The following CELF2 variants were observed in gnomAD, a reference collection of about 807,000 sequenced individuals.
CELF2 encodes the protein CUGBP Elav-like family member 2, also known as CUG triplet repeat RNA-binding protein 2.
In CELF2, 8 loss-of-function variants were observed where a neutral mutation model predicts 62.6. The ratio of observed to expected loss-of-function variants is 0.13; its 90% CI spans 0.07 to 0.23. CELF2 has a LOEUF of 0.23. Among genes scored for constraint, CELF2 ranks in the 10% least tolerant of loss-of-function variants. The pLI, the probability that CELF2 is intolerant of heterozygous loss-of-function variation, is 1.00. For missense variants in CELF2, 333 were observed against 671.0 expected (o/e 0.50, Z 5.56); for synonymous variants, 258 against 250.0 (o/e 1.03, Z -0.30).
At chr10:10,621,929 GA>G in the CELF2 span, among the ~76,000 whole-genome samples, 2 of 152,080 alleles carry the variant, frequency 1.3e-5, no homozygotes, top group Non-Finnish European at 2.9e-5. Context: ...TTCCATATTA[GA>G]AAAAAATATT....
the CELF2 span, among the ~76,000 whole-genome samples, chr10:10,659,817 T>A: frequency 6.6e-6 from 1 of 152,152 alleles, no homozygotes; most frequent in South Asian, 2.1e-4. Context: ...GCTACTCAGA[T>A]CCACCAGAAT....
At chr10:10,881,675 T>G (rs1314694636) in intron 1 of CELF2, among the ~76,000 whole-genome samples, 1 of 152,232 alleles carries the variant, frequency 6.6e-6, no homozygotes. Flanking sequence ...ATTTTGAAAG[T>G]CTTCATATGT....
Position 11,062,413 on chromosome 10 carries a change from A to T in CELF2, c.74+44250A>T, listed in dbSNP as rs193050299. Among the ~76,000 whole-genome samples, 542 of 152,332 alleles carry T rather than the reference A, an allele frequency of 3.6e-3. 4 individuals carry two copies. The highest frequency in any genetic ancestry group is 4.6e-3 in the Non-Finnish European group (315 of 68,024). On this transcript the variant is annotated intron_variant, in intron 1 of 12. Transcript: ENST00000633077. ...GTAAATTGAAAACCTTCTGGAAAGG[A>T]TTTACCATATTAGAGGTCATTAAGA...
intron 2 of CELF2, among the ~76,000 whole-genome samples, chr10:11,210,366 A>T (rs1049398528): frequency 6.6e-6 from 1 of 152,218 alleles, no homozygotes; most frequent in African/African-American, 2.4e-5. Context: ...CCTGGGGCAG[A>T]GTCCACTTAG....
At chr10:11,160,239 A>G (rs1287268893) in intron 1 of CELF2, among the ~76,000 whole-genome samples, 1 of 152,256 alleles carries the variant, frequency 6.6e-6, no homozygotes, top group Non-Finnish European at 1.5e-5. Context: ...ACAAGTGAGG[A>G]AACTGAGGCG....
At position 11,207,404 on chromosome 10, in the gene CELF2, A is replaced by C. The variant is rs4297371; in HGVS notation, c.272-10021A>C. On this transcript the variant is annotated intron_variant, in intron 2 of 12. Transcript: ENST00000633077. This position sits in a 1 kb window ranked among gnomAD's most constrained non-coding sequence, Gnocchi z 4.1. ...CTGGATCTTGTGGCCAGTTGACAGA[A>C]AGTTGGTCCTAGCGTGTCAAATGGA... 0.7 allele frequency among the ~76,000 whole-genome samples: 106,158 copies of C among 152,080 alleles called. 38,227 individuals are homozygous for C. Among genetic ancestry groups the C allele is most frequent in the Non-Finnish European group, 0.8 (54,343 of 67,968 alleles).
At chr10:10,678,246 G>C in the CELF2 span, among the ~76,000 whole-genome samples, 3 of 151,988 alleles carry the variant, frequency 2.0e-5, no homozygotes, top group Admixed American at 2.0e-4. Context: ...TTATGGTCAA[G>C]AAATTATATC....
At chr10:11,262,411 A>G (rs191303899) in intron 5 of CELF2, among the ~76,000 whole-genome samples, 2 of 152,342 alleles carry the variant, frequency 1.3e-5, no homozygotes, top group East Asian at 3.9e-4. Flanking sequence ...GAAATGAATC[A>G]GTTTTCACAC....
rs2062054759 is a variant in CELF2, at chr10:11,145,276, C to T, written c.75-20210C>T. Among the ~76,000 whole-genome samples, 1 of 152,220 alleles carries T rather than the reference C, an allele frequency of 6.6e-6. No homozygotes were observed. The highest frequency in any genetic ancestry group is 2.4e-5 in the African/African-American group (1 of 41,446). On this transcript the variant is annotated intron_variant, in intron 1 of 12. Transcript: ENST00000633077. The surrounding 1 kb of genome is among the most constrained non-coding windows in gnomAD (Gnocchi z 4.3). Reference sequence around the variant, plus strand: ...AATTGCTCTATAAGTGAGTCTCAGGCATCTGTGTGGCACAGATACTTTTAT... The same window carrying T: ...AATTGCTCTATAAGTGAGTCTCAGGTATCTGTGTGGCACAGATACTTTTAT...
chr10:10,780,618 T>G, the CELF2 span, among the ~76,000 whole-genome samples: 1 of 152,126 alleles, frequency 6.6e-6, no homozygotes. Context: ...GTAGCTGGGA[T>G]TACAGGCGCC....
chr10:10,860,141 G>T (rs2059971636), intron 1 of CELF2, among the ~76,000 whole-genome samples: 1 of 152,130 alleles, frequency 6.6e-6, no homozygotes, highest in Non-Finnish European at 1.5e-5. Context: ...TTTCACTTTT[G>T]TAAATCATTT....
At chr10:11,096,667 T>C (rs529582791) in intron 1 of CELF2, among the ~76,000 whole-genome samples, 1 of 152,270 alleles carries the variant, frequency 6.6e-6, no homozygotes, top group Admixed American at 6.5e-5. Flanking sequence ...TCAAAGAGTT[T>C]GACCGAAATG....
intron 1 of CELF2, among the ~76,000 whole-genome samples, chr10:10,890,664 A>G (rs1394338029): frequency 6.6e-6 from 1 of 152,314 alleles, no homozygotes; most frequent in East Asian, 1.9e-4. Context: ...CTCCACATCC[A>G]TGCGCAAAGT....
chr10:11,050,352 T>C (rs1409559139), intron 1 of CELF2, among the ~76,000 whole-genome samples: 1 of 152,176 alleles, frequency 6.6e-6, no homozygotes, highest in Non-Finnish European at 1.5e-5. Flanking sequence ...AACTACATTG[T>C]CTGGACATTA....
chr10:11,144,899 A>AG (rs2061978830), intron 1 of CELF2, among the ~76,000 whole-genome samples: 2 of 112,702 alleles, frequency 1.8e-5, no homozygotes, highest in Admixed American at 9.6e-5. Flanking sequence ...CTCAGGAAAC[A>AG]GAAAAAAAAA....
At chr10:10,878,789 A>G (rs1370961762) in intron 1 of CELF2, among the ~76,000 whole-genome samples, 1 of 152,212 alleles carries the variant, frequency 6.6e-6, no homozygotes, top group African/African-American at 2.4e-5. Context: ...CCGCAAACAC[A>G]CAGAGGAAAG....
the CELF2 span, among the ~76,000 whole-genome samples, chr10:10,514,632 G>A: frequency 6.6e-6 from 1 of 152,164 alleles, no homozygotes; most frequent in Admixed American, 6.5e-5. Flanking sequence ...CGTGGATTCA[G>A]ACGTGGCAAG....
At chr10:10,605,496 A>G in the CELF2 span, among the ~76,000 whole-genome samples, 1 of 152,264 alleles carries the variant, frequency 6.6e-6, no homozygotes, top group Admixed American at 6.5e-5. Context: ...TACTGTCAAG[A>G]AAACCTCTGT....
intron 1 of CELF2, among the ~76,000 whole-genome samples, chr10:10,812,000 T>C (rs1010379049): frequency 6.6e-6 from 1 of 152,172 alleles, no homozygotes; most frequent in African/African-American, 2.4e-5. Flanking sequence ...GATCCTATGC[T>C]GTCCAGTCCA....
Sources: allele counts gnomAD v4.1 joint callset (sites outside exome capture counted in the v4.1 genomes callset), GRCh38; gene constraint gnomAD v4.1.1; non-coding constraint Gnocchi (gnomAD v3.1); transcripts MANE v1.5; gene names NCBI Gene and HGNC (gene_info 2026-07-23, HGNC 2026-07-21).